TDRP: variants seen among roughly 807,000 people sequenced by gnomAD.
The protein encoded by TDRP is testis development-related protein.
A neutral mutation model predicts 10.5 loss-of-function variants in TDRP; 12 were observed. The observed-to-expected ratio is 1.15, with a 90% CI of 0.73 to 1.86. TDRP has a LOEUF of 1.86. TDRP is among the 40% of genes most tolerant of loss of function. The pLI, the probability that TDRP is intolerant of heterozygous loss-of-function variation, is 0.00. For synonymous variants in TDRP, 139 were observed against 95.4 expected (o/e 1.46, Z -2.67); for missense variants, 353 against 229.2 (o/e 1.54, Z -3.49).
intron 1 of TDRP, among the ~76,000 whole-genome samples, chr8:542,790 G>C (rs895564997): frequency 2.0e-5 from 3 of 150,044 alleles, no homozygotes; most frequent in African/African-American, 4.9e-5. Flanking sequence ...TTGAACCCGG[G>C]AGGGTGCAGT....
intron 1 of TDRP, among the ~76,000 whole-genome samples, chr8:523,886 AG>A (rs1219695090): frequency 6.6e-6 from 1 of 152,168 alleles, no homozygotes; most frequent in Non-Finnish European, 1.5e-5. Flanking sequence ...TTGTCCTGAA[AG>A]GAAGGATATA....
chr8:526,185 A>C (rs775221723), intron 1 of TDRP, among the ~76,000 whole-genome samples: 26 of 151,998 alleles, frequency 1.7e-4, no homozygotes, highest in Non-Finnish European at 2.9e-4. Context: ...TTTAGTAGAG[A>C]CAGGGTTTCG....
chr8:506,269 G>T (rs931902120), intron 1 of TDRP, among the ~76,000 whole-genome samples: 2 of 152,178 alleles, frequency 1.3e-5, no homozygotes, highest in South Asian at 2.1e-4. Context: ...TAAACATTTG[G>T]TACAAAAGAT....
chr8:517,499 C>A (rs1048321388), intron 1 of TDRP, among the ~76,000 whole-genome samples: 2 of 152,178 alleles, frequency 1.3e-5, no homozygotes, highest in Non-Finnish European at 2.9e-5. Flanking sequence ...TTTATCTTAA[C>A]CCCAAGCATT....
intron 1 of TDRP, among the ~76,000 whole-genome samples, chr8:516,475 G>A (rs895689619): frequency 2.1e-4 from 32 of 152,150 alleles, no homozygotes; most frequent in African/African-American, 7.5e-4. Flanking sequence ...CTTCACCAAA[G>A]ACATGGAGAT....
intron 1 of TDRP, among the ~76,000 whole-genome samples, chr8:495,406 A>G (rs1458921495): frequency 6.6e-6 from 1 of 152,230 alleles, no homozygotes; most frequent in African/African-American, 2.4e-5. Flanking sequence ...CCTAACTTCT[A>G]CAAGTGTAGA....
chr8:503,782 ACTGG>A (rs1801376653), intron 1 of TDRP, among the ~76,000 whole-genome samples: 1 of 143,722 alleles, frequency 7.0e-6, no homozygotes, highest in Non-Finnish European at 1.6e-5. Flanking sequence ...AGAGCCACAC[ACTGG>A]AACCCATGCC....
intron 1 of TDRP, among the ~76,000 whole-genome samples, chr8:501,676 A>G (rs924408791): frequency 6.6e-6 from 1 of 152,198 alleles, no homozygotes; most frequent in Non-Finnish European, 1.5e-5. Flanking sequence ...AAAGGTATTT[A>G]AAGTCATAGG....
intron 1 of TDRP, among the ~76,000 whole-genome samples, chr8:495,438 G>T (rs1240295592): frequency 1.3e-5 from 2 of 151,152 alleles, no homozygotes; most frequent in East Asian, 1.9e-4. Flanking sequence ...AAATAATTTT[G>T]TTGACTGTAA....
intron 1 of TDRP, 74 bp downstream of exon 1, chr8:544,576 G>A (rs1802584194): frequency 5.7e-6 from 6 of 1,055,750 alleles, no homozygotes; most frequent in Non-Finnish European, 7.2e-6. Context: ...ACCTCCACCT[G>A]CGCGCCGCCC....
chr8:533,633 G>T (rs531868595), intron 1 of TDRP, among the ~76,000 whole-genome samples: 2 of 152,096 alleles, frequency 1.3e-5, no homozygotes, highest in Non-Finnish European at 2.9e-5. Flanking sequence ...CAACCAAGGG[G>T]TTACTCAGAA....
At chr8:527,474 G>T (rs916714786) in intron 1 of TDRP, among the ~76,000 whole-genome samples, 1 of 151,652 alleles carries the variant, frequency 6.6e-6, no homozygotes, top group African/African-American at 2.4e-5. Flanking sequence ...TGAGCAAAAA[G>T]AACAAAACTG....
At chr8:529,329 ATTT>A (rs1413708850) in intron 1 of TDRP, among the ~76,000 whole-genome samples, 2 of 152,180 alleles carry the variant, frequency 1.3e-5, no homozygotes, top group African/African-American at 2.4e-5. Context: ...AGTATTTTAT[ATTT>A]TTATCTATTA....
Position 492,233 on chromosome 8 carries a change from TCA to T in TDRP, c.*164_*165del. Reference sequence around the variant, plus strand: ...ATCCCTGCACGTGTTCACCAAGGAGTCACAGTGTGTGTGAGAGTTCATTAAAT... The same window carrying T: ...ATCCCTGCACGTGTTCACCAAGGAGTCAGTGTGTGTGAGAGTTCATTAAAT... On this transcript the variant is annotated 3_prime_UTR_variant, in exon 3 of 3. Transcript: ENST00000324079. 1 of 1,296,816 alleles carries T rather than the reference TCA, an allele frequency of 7.7e-7. No homozygotes were observed. Among genetic ancestry groups the T allele is most frequent in the Non-Finnish European group, 9.7e-7 (1 of 1,026,320 alleles). The allele number at this position is 1,296,816 out of a possible 1,614,324, so 80.3% of individuals were successfully genotyped here. A position where few individuals can be genotyped will look rare whatever the true frequency, so the allele number is the denominator to read the frequency against.
chr8:492,559 C>G lies in TDRP; in HGVS notation c.398G>C (p.Trp133Ser). The G allele has an allele frequency of 6.2e-7, 1 of 1,613,056 alleles. No homozygotes were observed. Among genetic ancestry groups the G allele is most frequent in the Non-Finnish European group, 8.5e-7 (1 of 1,179,362 alleles). The part of the protein sequence containing the change: ...PEDTVGGHPS[W>S]SGWEDDAKGS... ...CTTGGCGTCATCCTCCCAGCCTGACCAGGATGGGTGGCCACCCACGGTGTC... is the reference window on the plus strand; with the variant it reads ...CTTGGCGTCATCCTCCCAGCCTGACGAGGATGGGTGGCCACCCACGGTGTC... The change falls in exon 3 of 3, where the codon TGG becomes TCG. Residue 133 changes from tryptophan to serine, a missense_variant. Transcript: ENST00000324079.
intron 1 of TDRP, among the ~76,000 whole-genome samples, chr8:543,487 C>T (rs1802554567): frequency 6.6e-6 from 1 of 151,584 alleles, no homozygotes; most frequent in Non-Finnish European, 1.5e-5. Flanking sequence ...ACTCTGTAGC[C>T]ACATATAAAT....
chr8:518,942 T>C (rs1801825952), intron 1 of TDRP, among the ~76,000 whole-genome samples: 1 of 152,194 alleles, frequency 6.6e-6, no homozygotes, highest in South Asian at 2.1e-4. Flanking sequence ...CTGCCTTTCG[T>C]ACACTAATGA....
chr8:533,964 T>C (rs1802278183), intron 1 of TDRP, among the ~76,000 whole-genome samples: 2 of 152,222 alleles, frequency 1.3e-5, no homozygotes, highest in African/African-American at 2.4e-5. Flanking sequence ...TCATGTTTAC[T>C]GTATTGAAAA....
chr8:511,257 T>C (rs1442876091), intron 1 of TDRP, among the ~76,000 whole-genome samples: 6 of 151,960 alleles, frequency 3.9e-5, no homozygotes, highest in East Asian at 3.9e-4. Context: ...GAATCAAAGA[T>C]AAAAACTGAC....
Sources: allele counts gnomAD v4.1 joint callset (sites outside exome capture counted in the v4.1 genomes callset), GRCh38; gene constraint gnomAD v4.1.1; transcripts MANE v1.5; gene names NCBI Gene and HGNC (gene_info 2026-07-23, HGNC 2026-07-21).